LONP2: variants seen among roughly 807,000 people sequenced by gnomAD.
The protein encoded by LONP2 is lon peptidase 2, peroxisomal.
LONP2 carries 60 observed loss-of-function variants against 85.6 expected under a neutral mutation model. The observed-to-expected ratio is 0.70, with a 90% CI of 0.57 to 0.87. LONP2 has a LOEUF of 0.87. Ranked by LOEUF, LONP2 falls within the 40% of genes least tolerant of loss-of-function variation. The pLI is 0.00. For missense variants in LONP2, 860 were observed against 1,063.5 expected (o/e 0.81, Z 2.66); for synonymous variants, 395 against 389.7 (o/e 1.01, Z -0.16).
intron 6 of LONP2, among the ~76,000 whole-genome samples, chr16:48,265,983 G>T (rs1971980888): frequency 6.6e-6 from 1 of 151,988 alleles, no homozygotes; most frequent in Non-Finnish European, 1.5e-5. Flanking sequence ...TTGTAAATGA[G>T]ATTGTTTCCT....
Position 48,351,812 on chromosome 16 carries a change from T to C in LONP2, c.*10T>C. 6.2e-7 allele frequency: 1 copy of C among 1,609,494 alleles called. No individual in the cohort carries two copies. The highest frequency in any genetic ancestry group is 1.1e-5 in the South Asian group (1 of 90,940). On this transcript the variant is annotated 3_prime_UTR_variant, in exon 15 of 15. Transcript: ENST00000285737. ...AAATAGCAAACTGTAGGTCCAAATC[T>C]CAATTTTTTAGAATTTTAAGTTATG...
chr16:48,256,091 T>C (rs1409314662), intron 2 of LONP2, among the ~76,000 whole-genome samples: 4 of 152,262 alleles, frequency 2.6e-5, no homozygotes, highest in Non-Finnish European at 5.9e-5. Context: ...GAGAATATTC[T>C]TGTTCTTAAG....
At chr16:48,269,144 G>A (rs1343010983) in intron 6 of LONP2, among the ~76,000 whole-genome samples, 1 of 151,126 alleles carries the variant, frequency 6.6e-6, no homozygotes, top group Non-Finnish European at 1.5e-5. Flanking sequence ...ATACACTTCT[G>A]GTGAGACTTT....
chr16:48,250,065 G>T (rs1212597491), intron 1 of LONP2, among the ~76,000 whole-genome samples: 1 of 151,890 alleles, frequency 6.6e-6, no homozygotes, highest in Non-Finnish European at 1.5e-5. Flanking sequence ...GGTGGTGTGT[G>T]CCTGTAATCC....
rs565068379 is a variant in LONP2 at position 48,269,658 on chromosome 16, A to G, written c.983-358A>G. Among the ~76,000 whole-genome samples, 49 of 152,268 alleles carry G rather than the reference A, an allele frequency of 3.2e-4. No homozygotes were observed. In the South Asian group the frequency reaches 3.3e-3, roughly 10 times the overall value. ...TGTTATCAGGTTTTCTGGAATGAAC[A>G]TATGTTACTACTGAAATAAGGAAAA... is the stretch of plus-strand genomic sequence containing the variant. On this transcript the variant is annotated intron_variant, in intron 6 of 14. Transcript: ENST00000285737.
rs1971218711 is a variant in LONP2 at position 48,244,447 on chromosome 16, A to C, written c.59A>C (p.Glu20Ala). The C allele has an allele frequency of 1.9e-6, 3 of 1,595,534 alleles. No individual in the cohort carries two copies. The highest frequency in any genetic ancestry group is 8.5e-7 in the Non-Finnish European group (1 of 1,175,436). The change falls in exon 1 of 15, where the codon GAG (glutamate) becomes GCG (alanine). Residue 20 changes from glutamate to alanine, a missense_variant. Coordinates refer to ENST00000285737, the MANE Select transcript of LONP2 (RefSeq NM_031490.5). ...CGCCTCCCGCTGCTGCTCACCCACG[A>C]GGGCGTCCTGCTGCCCGGCTCCACC... ...PSRLPLLLTH[E>A]GVLLPGSTMR...
rs759648784 is a variant in LONP2 at position 48,362,841 on chromosome 16, T to A, written c.*978T>A. The A allele has an allele frequency of 1.6e-5, 3 of 193,040 alleles. No homozygotes were observed. Among genetic ancestry groups the A allele is most frequent in the Non-Finnish European group, 3.6e-5 (3 of 84,374 alleles). The allele number at this position is 193,040 out of a possible 1,614,324, so 12.0% of individuals were successfully genotyped here. A position where few individuals can be genotyped will look rare whatever the true frequency, so the allele number is the denominator to read the frequency against. ...TATTTCTTTCTAATTTGGAGTCAGC[T>A]GTTGATAGGTACAGGGAGTTACAGG... is the stretch of plus-strand genomic sequence containing the variant. On this transcript the variant is annotated 3_prime_UTR_variant, in exon 5 of 5. Coordinates refer to the LONP2 transcript ENST00000565867. This position sits in a 1 kb window ranked among gnomAD's most constrained non-coding sequence, Gnocchi z 4.2.
In LONP2 at chr16:48,326,495, A is replaced by G. The variant is rs1959241777; in HGVS notation, c.1796-7721A>G. 1.3e-5 allele frequency among the ~76,000 whole-genome samples: 2 copies of G among 152,180 alleles called. 1 individual carries two copies. Among genetic ancestry groups the G allele is most frequent in the Admixed American group, 1.3e-4 (2 of 15,284 alleles). ...TTATGCTTCAGATTAAGCAGGGTAT[A>G]GAGAATAAGGAGTGATCACAAAAAT... On this transcript the variant is annotated intron_variant, in intron 11 of 14. Coordinates refer to ENST00000285737, the MANE Select transcript of LONP2 (RefSeq NM_031490.5).
At chr16:48,324,194 T>C (rs1278483880) in intron 11 of LONP2, among the ~76,000 whole-genome samples, 1 of 152,268 alleles carries the variant, frequency 6.6e-6, no homozygotes, top group Non-Finnish European at 1.5e-5. Flanking sequence ...ATTTCTGCAA[T>C]TTTGTGCAAT....
intron 8 of LONP2, among the ~76,000 whole-genome samples, chr16:48,290,693 T>G (rs530203016): frequency 6.6e-6 from 1 of 152,340 alleles, no homozygotes; most frequent in Admixed American, 6.5e-5. Context: ...TCCACCAGTC[T>G]TCTTGCACCT....
At chr16:48,289,297 C>T (rs1214818772) in intron 8 of LONP2, among the ~76,000 whole-genome samples, 1 of 152,092 alleles carries the variant, frequency 6.6e-6, no homozygotes, top group African/African-American at 2.4e-5. Context: ...TGATTTTATA[C>T]ATTTTAGGGA....
chr16:48,271,527 A>G (rs1008287494), intron 7 of LONP2, among the ~76,000 whole-genome samples: 4 of 152,212 alleles, frequency 2.6e-5, no homozygotes, highest in African/African-American at 9.6e-5. Context: ...AAACTTTTCT[A>G]TAAGAAATGG....
intron 12 of LONP2, 47 bp downstream of exon 12, chr16:48,334,405 C>G (rs200417314): frequency 6.2e-7 from 1 of 1,612,526 alleles, no homozygotes; most frequent in Non-Finnish European, 8.5e-7. Context: ...ATGAAAGGAA[C>G]ACTTTATTGA....
downstream of LONP2, among the ~76,000 whole-genome samples, chr16:48,357,841 T>C (rs980736687): frequency 2.0e-5 from 3 of 152,126 alleles, no homozygotes; most frequent in African/African-American, 7.2e-5. Flanking sequence ...ATCATACATA[T>C]TACAATAAAA....
At chr16:48,325,579 A>G (rs995271178) in intron 11 of LONP2, among the ~76,000 whole-genome samples, 2 of 152,226 alleles carry the variant, frequency 1.3e-5, no homozygotes, top group African/African-American at 4.8e-5. Flanking sequence ...ATGTTGCCAC[A>G]TGTGACAGGA....
chr16:48,278,747 T>C (rs2150983251), intron 8 of LONP2, among the ~76,000 whole-genome samples: 1 of 152,314 alleles, frequency 6.6e-6, no homozygotes, highest in Middle Eastern at 3.4e-3. Context: ...TGCCTTGGCA[T>C]GGGTTTCTTT....
At chr16:48,294,242 G>T (rs184010301) in intron 8 of LONP2, among the ~76,000 whole-genome samples, 1 of 152,114 alleles carries the variant, frequency 6.6e-6, no homozygotes, top group African/African-American at 2.4e-5. Flanking sequence ...TGCCCGGCCT[G>T]TGAACAGTTT....
At chr16:48,348,379 T>C in intron 14 of LONP2, 89 bp downstream of exon 14, 1 of 808,740 alleles carries the variant, frequency 1.2e-6, no homozygotes, top group East Asian at 3.5e-5. Context: ...GCCTTCTTTC[T>C]ATGAAAACCT....
chr16:48,254,059 G>A (rs1016505741), intron 2 of LONP2, among the ~76,000 whole-genome samples: 5 of 152,058 alleles, frequency 3.3e-5, no homozygotes, highest in Non-Finnish European at 7.4e-5. Context: ...ATAGCATCCT[G>A]TCTCCTAGTT....
Sources: allele counts gnomAD v4.1 joint callset (sites outside exome capture counted in the v4.1 genomes callset), GRCh38; gene constraint gnomAD v4.1.1; non-coding constraint Gnocchi (gnomAD v3.1); transcripts MANE v1.5; gene names NCBI Gene and HGNC (gene_info 2026-07-23, HGNC 2026-07-21).